The following SAFB2 variants were observed in gnomAD, a reference collection of about 807,000 sequenced individuals.
SAFB2 encodes scaffold attachment factor B2.
A neutral mutation model predicts 100.6 loss-of-function variants in SAFB2; 32 were observed. The observed-to-expected ratio is 0.32, with a 90% CI of 0.24 to 0.43. The LOEUF (loss-of-function observed/expected upper bound fraction) is 0.43, where lower values mean the gene tolerates loss of function less well. SAFB2 is among the 20% of genes least tolerant of loss of function. The pLI is 1.00. For synonymous variants in SAFB2, 500 were observed against 439.4 expected (o/e 1.14, Z -1.72); for missense variants, 1,185 against 1,163.4 (o/e 1.02, Z -0.27).
intron 13 of SAFB2, among the ~76,000 whole-genome samples, chr19:5,595,888 G>C (rs1470799692): frequency 1.3e-5 from 2 of 152,246 alleles, no homozygotes; most frequent in Non-Finnish European, 2.9e-5. Context: ...CAGCAGTCAG[G>C]CCAGCTGTTT....
In SAFB2 at chr19:5,590,279, T is replaced by TG. The variant is rs1482349644; in HGVS notation, c.2523dup (p.Arg842GlnfsTer5). On this transcript the variant is annotated frameshift_variant and splice_region_variant, in exon 18 of 21. Transcript: ENST00000252542. LOFTEE classifies it high-confidence loss of function. ...CCCGGCTGGGGCTCACCCACTAACC[T>TG]GGGGGGAGGGGGCAGCCCCCGGCCT... is the stretch of plus-strand genomic sequence containing the variant. 1 of 1,548,132 alleles carries TG rather than the reference T, an allele frequency of 6.5e-7. No individual in the cohort carries two copies.
rs780363113 is a variant in SAFB2 at position 5,588,019 on chromosome 19, C to G, written c.2526-39G>C. The G allele has an allele frequency of 8.9e-6, 14 of 1,567,462 alleles. No individual in the cohort carries two copies. In the South Asian group the frequency reaches 1.6e-4, roughly 18 times the overall value. Reference sequence around the variant, plus strand: ...AAAAGACATGCAGCCATCTAATGAGCCTCCAGGGTTGTGTCGGCAGCAGGC... The same window carrying G: ...AAAAGACATGCAGCCATCTAATGAGGCTCCAGGGTTGTGTCGGCAGCAGGC... On this transcript the variant is annotated intron_variant, in intron 18 of 20. Transcript: ENST00000252542.
chr19:5,595,266 G>A (rs1417870935), intron 14 of SAFB2, 95 bp downstream of exon 14: 41 of 1,488,406 alleles, frequency 2.8e-5, no homozygotes, highest in Non-Finnish European at 3.4e-5. Context: ...ACTGGCTCTC[G>A]GGCACACAGA....
intron 1 of SAFB2, 57 bp downstream of exon 1, chr19:5,622,473 G>A (rs1159978107): frequency 1.4e-6 from 2 of 1,468,022 alleles, no homozygotes; most frequent in African/African-American, 1.4e-5. Context: ...GGTGACAGGT[G>A]CAGGCGGGGG....
intron 2 of SAFB2, among the ~76,000 whole-genome samples, chr19:5,620,004 A>C (rs1016248134): frequency 2.1e-4 from 32 of 152,224 alleles, no homozygotes; most frequent in Non-Finnish European, 4.1e-4. Context: ...AAGAAAATTC[A>C]CATCATGCAT....
intron 13 of SAFB2, 67 bp downstream of exon 13, chr19:5,598,726 G>T: frequency 7.1e-7 from 1 of 1,408,640 alleles, no homozygotes; most frequent in Admixed American, 1.7e-5. Flanking sequence ...TTCATAATGC[G>T]GATCAAACGG....
intron 2 of SAFB2, among the ~76,000 whole-genome samples, chr19:5,618,865 C>A (rs774497574): frequency 2.6e-5 from 4 of 152,218 alleles, no homozygotes; most frequent in Admixed American, 6.5e-5. Context: ...CAACTTTAAT[C>A]CCACATGGCA....
chr19:5,606,258 A>G (rs2052772280), intron 9 of SAFB2, among the ~76,000 whole-genome samples: 1 of 152,220 alleles, frequency 6.6e-6, no homozygotes, highest in Admixed American at 6.5e-5. Flanking sequence ...CCCAGAAAAA[A>G]GCTCAAGGGT....
At position 5,604,602 on chromosome 19, in the gene SAFB2, C is replaced by A. The variant is rs1159499137; in HGVS notation, c.1540G>T (p.Val514Leu). The A allele has an allele frequency of 3.1e-6, 5 of 1,613,978 alleles. No individual in the cohort carries two copies. The highest frequency in any genetic ancestry group is 2.2e-5 in the South Asian group (2 of 91,062). ...KLSSVDRHHS[V>L]EIKIEKTVIK... ...CTTTACTTTTCAATTTTGATCTCCA[C>A]AGAATGATGTCTGTCGACACTCGAT... Residue 514 changes from valine to leucine, a missense_variant, in exon 11 of 21, where the codon GTG becomes TTG. Val to Leu is a conservative substitution (Grantham distance 32, BLOSUM62 1). Coordinates refer to ENST00000252542, the MANE Select transcript of SAFB2 (RefSeq NM_014649.3).
In SAFB2 at chr19:5,594,150, G is replaced by A. The variant is rs2052484860; in HGVS notation, c.1948C>T (p.Arg650Cys). 1.3e-6 allele frequency: 2 copies of A among 1,599,628 alleles called. No homozygotes were observed. The highest frequency in any genetic ancestry group is 1.3e-5 in the African/African-American group (1 of 74,844). The change falls in exon 15 of 21, where the codon CGC becomes TGC. Residue 650 changes from arginine (R) to cysteine (C), a missense_variant. Arg to Cys is a radical substitution (Grantham distance 180). This residue lies in a region of SAFB2 where 740 missense variants were observed against 687.1 expected (regional missense o/e 1.08). Coordinates refer to ENST00000252542, the MANE Select transcript of SAFB2 (RefSeq NM_014649.3). ...REREQREREQRLEAFHERKEK... is the reference protein window; with the variant it reads ...REREQREREQCLEAFHERKEK... Reference sequence around the variant, plus strand: ...TTCCGCTCATGGAAGGCCTCGAGGCGTTGCTCCCGCTCCCGCTGCTCGCGC... The same window carrying A: ...TTCCGCTCATGGAAGGCCTCGAGGCATTGCTCCCGCTCCCGCTGCTCGCGC...
rs575157858 is a variant in SAFB2 at position 5,611,260 on chromosome 19, T to G, written c.1005A>C (p.Ala335=). ...ELAEASSEEL[A]EAPTEAPSPE... ...GGCTTGGGGCTTCCGTGGGTGCTTCTGCGAGCTCCTCGCTAGAGGCCTCCG... is the reference window on the plus strand; with the variant it reads ...GGCTTGGGGCTTCCGTGGGTGCTTCGGCGAGCTCCTCGCTAGAGGCCTCCG... The change falls in exon 7 of 21, where the codon GCA becomes GCC. Residue 335 remains alanine (A), a synonymous_variant. Transcript: ENST00000252542. The G allele has an allele frequency of 2.5e-6, 1 of 393,246 alleles. No individual in the cohort carries two copies. Among genetic ancestry groups the G allele is most frequent in the African/African-American group, 7.3e-5 (1 of 13,772 alleles). The allele number at this position is 393,246 out of a possible 1,614,324, so 24.4% of individuals were successfully genotyped here. A position where few individuals can be genotyped will look rare whatever the true frequency, so the allele number is the denominator to read the frequency against.
intron 2 of SAFB2, among the ~76,000 whole-genome samples, chr19:5,620,888 C>A (rs1228812074): frequency 6.6e-6 from 1 of 152,176 alleles, no homozygotes; most frequent in Non-Finnish European, 1.5e-5. Flanking sequence ...AATACCCCAA[C>A]AATCTACTTT....
intron 9 of SAFB2, among the ~76,000 whole-genome samples, chr19:5,607,191 G>A (rs1311880245): frequency 1.3e-5 from 2 of 152,150 alleles, no homozygotes; most frequent in Non-Finnish European, 2.9e-5. Context: ...AACCCAGGAG[G>A]CAGAGCTTGC....
rs750527869 is a variant in SAFB2 at position 5,590,268 on chromosome 19, A to G, written c.2525+10T>C. 1.3e-6 allele frequency: 2 copies of G among 1,576,478 alleles called. No homozygotes were observed. The highest frequency in any genetic ancestry group is 1.7e-6 in the Non-Finnish European group (2 of 1,161,684). On this transcript the variant is annotated intron_variant, in intron 18 of 20. Coordinates refer to ENST00000252542, the MANE Select transcript of SAFB2 (RefSeq NM_014649.3). ...GATGCTCCCCACCCGGCTGGGGCTC[A>G]CCCACTAACCTGGGGGGAGGGGGCA... is the stretch of plus-strand genomic sequence containing the variant.
chr19:5,609,051 C>CAAAAAAA (rs60419324), intron 9 of SAFB2, among the ~76,000 whole-genome samples: 6 of 72,676 alleles, frequency 8.3e-5, no homozygotes, highest in Non-Finnish European at 1.3e-4. Context: ...GACGCAGTCT[C>CAAAAAAA]AAAAAAAAAA....
At position 5,613,463 on chromosome 19, in the gene SAFB2, A is replaced by G; in HGVS notation, c.606+2T>C. On this transcript the variant is annotated splice_donor_variant, in intron 5 of 20. Coordinates refer to ENST00000252542, the MANE Select transcript of SAFB2 (RefSeq NM_014649.3). LOFTEE classifies it high-confidence loss of function. ...GCGATGCAGAACCAGATGGTAACTT[A>G]CCGGAGTTACTTTGAAGTTCAACGA... 6.2e-7 allele frequency: 1 copy of G among 1,611,172 alleles called. No individual in the cohort carries two copies. The highest frequency in any genetic ancestry group is 8.5e-7 in the Non-Finnish European group (1 of 1,177,632).
At chr19:5,605,421 T>C (rs1391698353) in intron 9 of SAFB2, among the ~76,000 whole-genome samples, 1 of 152,118 alleles carries the variant, frequency 6.6e-6, no homozygotes, top group Non-Finnish European at 1.5e-5. Context: ...TACAACTGCT[T>C]TTAATACAAG....
chr19:5,596,837 A>T (rs1484444941), intron 13 of SAFB2, among the ~76,000 whole-genome samples: 1 of 152,188 alleles, frequency 6.6e-6, no homozygotes, highest in East Asian at 1.9e-4. Flanking sequence ...GGGAAATGAC[A>T]TTTTTAAAAA....
chr19:5,605,166 G>A (rs924203870), intron 9 of SAFB2, among the ~76,000 whole-genome samples: 10 of 146,498 alleles, frequency 6.8e-5, no homozygotes, highest in East Asian at 2.1e-4. Context: ...GTGCAGTGTC[G>A]CGATCTCGGC....
Sources: gnomAD v4.1 joint callset for allele counts (sites outside exome capture counted in the v4.1 genomes callset) on GRCh38, gnomAD v4.1.1 for gene constraint, gnomAD v4.1.1 regional missense constraint, MANE v1.5 for transcripts, NCBI Gene and HGNC (gene_info 2026-07-23, HGNC 2026-07-21) for gene names.